Variants in PRKX observed in about 807,000 individuals in gnomAD.
PRKX encodes the protein cAMP-dependent protein kinase catalytic subunit PRKX.
Under a neutral mutation model 22.0 loss-of-function variants are expected in PRKX, and 12 were observed. The observed-to-expected ratio is 0.54, with a 90% CI of 0.35 to 0.88. The LOEUF is 0.88. Ranked by LOEUF, PRKX falls within the 40% of genes least tolerant of loss-of-function variation. The pLI is 0.01. For synonymous variants in PRKX, 134 were observed against 137.7 expected, an observed-to-expected ratio of 0.97 and a Z score of 0.19; for missense variants, 217 against 308.0, an observed-to-expected ratio of 0.70 and a Z score of 2.21.
chrX:3,708,129 T>C (rs1184844914), intron 1 of PRKX, among the ~76,000 whole-genome samples: 2 of 111,203 alleles, frequency 1.8e-5, no homozygotes, highest in African/African-American at 6.5e-5. Context: ...GTCGTGAGGT[T>C]GGAGCCTCAT....
At position 3,605,242 on chromosome X, in the gene PRKX, T is replaced by G. The variant is rs1413504394; in HGVS notation, c.*3727A>C. ...TGTGTAAAATGCATGCTAGGTAGAT[T>G]GAAGGAAAAACGAGAGGAACCCGGG... On this transcript the variant is annotated 3_prime_UTR_variant, in exon 9 of 9. Transcript: ENST00000262848. The G allele has an allele frequency of 6.3e-5, 7 of 111,590 alleles. No individual in the cohort carries two copies. The highest frequency in any genetic ancestry group is 3.8e-5 in the Non-Finnish European group (2 of 53,164). 9.2% of individuals were successfully genotyped at this position (111,590 alleles called of 1,213,427 possible).
At chrX:3,648,085 A>C (rs1330527381) in intron 3 of PRKX, among the ~76,000 whole-genome samples, 1 of 112,091 alleles carries the variant, frequency 8.9e-6, no homozygotes, top group African/African-American at 3.2e-5. Flanking sequence ...ATAATATTCC[A>C]CTGCACAGAC....
At chrX:3,666,291 G>A (rs1324820408) in intron 2 of PRKX, among the ~76,000 whole-genome samples, 3 of 108,935 alleles carry the variant, frequency 2.8e-5, no homozygotes, top group Admixed American at 2.0e-4. Context: ...AGTAGCTGAG[G>A]ACTACAGGCA....
chrX:3,620,392 C>A (rs1409736949), intron 6 of PRKX, among the ~76,000 whole-genome samples: 1 of 112,349 alleles, frequency 8.9e-6, no homozygotes, highest in Non-Finnish European at 1.9e-5. Flanking sequence ...CCGAACCCTA[C>A]AGAGAAAGTC....
chrX:3,633,433 G>A (rs1158064568), intron 4 of PRKX, among the ~76,000 whole-genome samples: 1 of 107,185 alleles, frequency 9.3e-6, no homozygotes, highest in Non-Finnish European at 1.9e-5. Flanking sequence ...GTACAGTGAC[G>A]TGTACCTGTC....
chrX:3,610,514 C>A (rs1246717452), intron 8 of PRKX, among the ~76,000 whole-genome samples: 1 of 110,698 alleles, frequency 9.0e-6, no homozygotes, highest in Non-Finnish European at 1.9e-5. Flanking sequence ...AACAGAGCCC[C>A]AACCACTAGC....
intron 4 of PRKX, among the ~76,000 whole-genome samples, chrX:3,637,394 G>C (rs1209452164): frequency 1.8e-5 from 2 of 111,500 alleles, no homozygotes; most frequent in Non-Finnish European, 3.8e-5. Flanking sequence ...TACGTGGACA[G>C]GATGCCTGCA....
At chrX:3,625,798 C>T (rs1926649464) in intron 5 of PRKX, among the ~76,000 whole-genome samples, 1 of 111,234 alleles carries the variant, frequency 9.0e-6, no homozygotes, top group Non-Finnish European at 1.9e-5. Context: ...GTCTCGATCT[C>T]CTGACCTCGT....
chrX:3,616,630 CG>C (rs1569229864), intron 6 of PRKX, among the ~76,000 whole-genome samples: 1 of 112,075 alleles, frequency 8.9e-6, no homozygotes, highest in African/African-American at 3.2e-5. Flanking sequence ...GAATTTAACG[CG>C]TCTATCAGTT....
chrX:3,611,259 C>G (rs910673982), intron 8 of PRKX: 19 of 112,386 alleles, frequency 1.7e-4, no homozygotes, highest in African/African-American at 5.5e-4. Context: ...CCCCAGTCAG[C>G]AATTGTGACA....
At chrX:3,617,688 TAC>T (rs1048566646) in intron 6 of PRKX, among the ~76,000 whole-genome samples, 11 of 110,364 alleles carry the variant, frequency 1.0e-4, no homozygotes, top group African/African-American at 3.6e-4. Flanking sequence ...GGTGTGTATC[TAC>T]AGTCATGAGC....
chrX:3,630,281 C>T (rs757082769), intron 4 of PRKX, among the ~76,000 whole-genome samples: 1 of 112,403 alleles, frequency 8.9e-6, no homozygotes, highest in East Asian at 2.8e-4. Context: ...AGATTTAGGC[C>T]AGGCGCGGTG....
chrX:3,652,417 C>CAA (rs75373565), intron 3 of PRKX, among the ~76,000 whole-genome samples: 2 of 81,468 alleles, frequency 2.5e-5, no homozygotes, highest in Non-Finnish European at 2.4e-5. Flanking sequence ...GACTCCATCT[C>CAA]AAAAAAAAAA....
At chrX:3,646,748 G>A (rs1160125297) in intron 3 of PRKX, among the ~76,000 whole-genome samples, 1 of 110,274 alleles carries the variant, frequency 9.1e-6, no homozygotes, top group Non-Finnish European at 1.9e-5. Flanking sequence ...GTCTGATGGG[G>A]ACAAACAGTT....
intron 3 of PRKX, among the ~76,000 whole-genome samples, chrX:3,652,594 A>C (rs1226954882): frequency 9.0e-6 from 1 of 111,089 alleles, no homozygotes; most frequent in African/African-American, 3.3e-5. Context: ...AAAAAAAAAC[A>C]AAAAAACAAA....
intron 1 of PRKX, among the ~76,000 whole-genome samples, chrX:3,703,489 G>A (rs191935371): frequency 1.5e-3 from 170 of 110,460 alleles, no homozygotes; most frequent in African/African-American, 5.2e-3. Flanking sequence ...GAAGCCATCA[G>A]TGCTGGAGGG....
At chrX:3,637,262 G>A (rs983056636) in intron 4 of PRKX, among the ~76,000 whole-genome samples, 16 of 111,615 alleles carry the variant, frequency 1.4e-4, no homozygotes, top group Middle Eastern at 4.6e-3. Flanking sequence ...TTGTCTAAGA[G>A]GGGTGGACAA....
At chrX:3,704,476 G>T (rs1300464530) in intron 1 of PRKX, among the ~76,000 whole-genome samples, 11 of 111,211 alleles carry the variant, frequency 9.9e-5, no homozygotes, top group African/African-American at 3.6e-4. Flanking sequence ...ACCAGCCTGG[G>T]CAACATGACG....
chrX:3,689,743 C>T (rs760609441), intron 1 of PRKX, among the ~76,000 whole-genome samples: 23 of 111,716 alleles, frequency 2.1e-4, no homozygotes, highest in South Asian at 1.1e-3. Flanking sequence ...TTTGGGAGGC[C>T]AAGGCGGGCG....
Sources: allele counts gnomAD v4.1 joint callset (sites outside exome capture counted in the v4.1 genomes callset), GRCh38; gene constraint gnomAD v4.1.1; transcripts MANE v1.5; gene names NCBI Gene and HGNC (gene_info 2026-07-23, HGNC 2026-07-21).